PRKAR2B: variants seen among roughly 807,000 people sequenced by gnomAD.
The protein encoded by PRKAR2B is cAMP-dependent protein kinase type II-beta regulatory subunit.
In PRKAR2B, 14 loss-of-function variants were observed where a neutral mutation model predicts 49.9. The observed-to-expected ratio is 0.28, with a 90% CI of 0.19 to 0.44. The LOEUF is 0.44. Among genes scored for constraint, PRKAR2B ranks in the 20% least tolerant of loss-of-function variants. The pLI is 1.00. For missense variants in PRKAR2B, 393 were observed against 537.9 expected, an observed-to-expected ratio of 0.73 and a Z score of 2.67; for synonymous variants, 196 against 197.7, an observed-to-expected ratio of 0.99 and a Z score of 0.07.
chr7:107,147,173 C>T (rs1376879652), intron 6 of PRKAR2B, among the ~76,000 whole-genome samples: 2 of 152,022 alleles, frequency 1.3e-5, no homozygotes, highest in African/African-American at 2.4e-5. Flanking sequence ...TAGCCGGGCA[C>T]GGTCGTGGGT....
chr7:107,066,301 G>GGCGTGT (rs147673007), intron 1 of PRKAR2B, among the ~76,000 whole-genome samples: 1 of 145,512 alleles, frequency 6.9e-6, no homozygotes, highest in East Asian at 2.0e-4. Context: ...CTCTATGTGG[G>GGCGTGT]GTGTGTGTGT....
intron 2 of PRKAR2B, among the ~76,000 whole-genome samples, chr7:107,108,480 T>C (rs973278999): frequency 5.9e-5 from 9 of 152,152 alleles, no homozygotes; most frequent in Admixed American, 5.9e-4. Context: ...ACCCAAATGA[T>C]AGGGGATAAT....
intron 2 of PRKAR2B, among the ~76,000 whole-genome samples, chr7:107,109,946 A>T (rs1337902057): frequency 2.0e-5 from 3 of 152,146 alleles, no homozygotes; most frequent in Non-Finnish European, 4.4e-5. Flanking sequence ...CCTTCATAAG[A>T]ACCAAAATCA....
At chr7:107,084,847 G>A (rs901024387) in intron 2 of PRKAR2B, among the ~76,000 whole-genome samples, 10 of 151,584 alleles carry the variant, frequency 6.6e-5, no homozygotes, top group Admixed American at 5.9e-4. Flanking sequence ...GGATGGTCTC[G>A]ATCTCCTGAC....
intron 4 of PRKAR2B, 64 bp downstream of exon 4, chr7:107,128,359 G>A (rs1026536299): frequency 8.0e-6 from 10 of 1,248,594 alleles, no homozygotes; most frequent in Non-Finnish European, 1.2e-5. Context: ...GTCAAGAACT[G>A]TACAGGGTCT....
chr7:107,116,446 G>A (rs552102916), intron 2 of PRKAR2B, among the ~76,000 whole-genome samples: 1 of 152,080 alleles, frequency 6.6e-6, no homozygotes, highest in East Asian at 1.9e-4. Flanking sequence ...TTCTATAAAT[G>A]TTTTAAATAT....
chr7:107,099,265 A>T (rs1459867656), intron 2 of PRKAR2B, among the ~76,000 whole-genome samples: 1 of 152,022 alleles, frequency 6.6e-6, no homozygotes, highest in Non-Finnish European at 1.5e-5. Flanking sequence ...TTGATCTCAG[A>T]CTTCTGTGCT....
intron 3 of PRKAR2B, among the ~76,000 whole-genome samples, chr7:107,122,751 G>A (rs569665166): frequency 6.6e-6 from 1 of 152,298 alleles, no homozygotes; most frequent in South Asian, 2.1e-4. Context: ...ATGTGGAGAA[G>A]CAGCTACTAC....
chr7:107,070,222 C>G, intron 1 of PRKAR2B, 59 bp from the exon 2 acceptor site: 1 of 1,357,458 alleles, frequency 7.4e-7, no homozygotes, highest in Non-Finnish European at 1.0e-6. Context: ...TGAGCCTTTT[C>G]AGGGTTTTGG....
At chr7:107,105,662 GT>G (rs1795057949) in intron 2 of PRKAR2B, among the ~76,000 whole-genome samples, 1 of 152,186 alleles carries the variant, frequency 6.6e-6, no homozygotes, top group South Asian at 2.1e-4. Context: ...GGGCCTATCA[GT>G]CCTCTATTCT....
chr7:107,148,176 A>C (rs6946931), intron 6 of PRKAR2B, among the ~76,000 whole-genome samples: 131,020 of 152,190 alleles, frequency 0.86, 56,792 homozygotes, highest in African/African-American at 0.96. Context: ...GTCTGCCTGT[A>C]ATTAAAGTGG....
intron 7 of PRKAR2B, 117 bp from the exon 8 acceptor site, chr7:107,153,060 C>T (rs41276181): frequency 2.2e-5 from 11 of 499,708 alleles, no homozygotes; most frequent in African/African-American, 4.0e-5. Flanking sequence ...AACACATATA[C>T]AACCTACACA....
At chr7:107,060,664 G>C (rs1794011632) in intron 1 of PRKAR2B, among the ~76,000 whole-genome samples, 2 of 107,366 alleles carry the variant, frequency 1.9e-5, no homozygotes, top group South Asian at 6.6e-4. Flanking sequence ...TTAATGTTCT[G>C]GCTACCAACC....
At chr7:107,136,255 C>A (rs1394276497) in intron 4 of PRKAR2B, among the ~76,000 whole-genome samples, 2 of 152,112 alleles carry the variant, frequency 1.3e-5, no homozygotes, top group Admixed American at 1.3e-4. Flanking sequence ...ATCTAGATGA[C>A]CTTGGATTTG....
At chr7:107,155,865 A>G (rs142736418) in intron 8 of PRKAR2B, among the ~76,000 whole-genome samples, 4,854 of 152,316 alleles carry the variant, frequency 0.032, 244 homozygotes, top group African/African-American at 0.11. Flanking sequence ...CCAAATGCCC[A>G]TCAGTGATAG....
At chr7:107,097,166 A>G (rs887057205) in intron 2 of PRKAR2B, among the ~76,000 whole-genome samples, 3 of 152,306 alleles carry the variant, frequency 2.0e-5, no homozygotes, top group African/African-American at 7.2e-5. Flanking sequence ...TAGGTCACTA[A>G]GGACTTGCTT....
At chr7:107,144,060 ATTTATTTAT>A (rs1227566049) in intron 5 of PRKAR2B, among the ~76,000 whole-genome samples, 66 of 43,750 alleles carry the variant, frequency 1.5e-3, no homozygotes, top group African/African-American at 3.6e-3. Flanking sequence ...TTTCTTATTT[ATTTATTTAT>A]TTATTTATTT....
chr7:107,144,569 T>C (rs1176498562), intron 5 of PRKAR2B, among the ~76,000 whole-genome samples: 1 of 152,078 alleles, frequency 6.6e-6, no homozygotes, highest in Admixed American at 6.6e-5. Flanking sequence ...CAAGCGATCC[T>C]CTTGCCTCAG....
rs375229652 is a variant in PRKAR2B at position 107,091,095 on chromosome 7, A to G, written c.343+20779A>G. On this transcript the variant is annotated intron_variant, in intron 2 of 10. Transcript: ENST00000265717. ...CCACCTGGTTCCCTCATTATGCAAA[A>G]TTATTGCATTTTAAGATCAGATTGG... is the stretch of plus-strand genomic sequence containing the variant. Among the ~76,000 whole-genome samples, 23 of 152,272 alleles carry G rather than the reference A, an allele frequency of 1.5e-4. No individual in the cohort carries two copies. The East Asian group carries it at 3.1e-3, about 21-fold the overall frequency.
Sources: allele counts gnomAD v4.1 joint callset (sites outside exome capture counted in the v4.1 genomes callset), GRCh38; gene constraint gnomAD v4.1.1; transcripts MANE v1.5; gene names NCBI Gene and HGNC (gene_info 2026-07-23, HGNC 2026-07-21).